GLT1D1: variants seen among roughly 807,000 people sequenced by gnomAD.
The protein encoded by GLT1D1 is glycosyltransferase 1 domain-containing protein 1.
GLT1D1 carries 21 observed loss-of-function variants against 28.7 expected under a neutral mutation model. The observed-to-expected ratio is 0.73, with a 90% CI of 0.52 to 1.05. GLT1D1 has a LOEUF of 1.05. Among genes scored for constraint, GLT1D1 ranks in the 50% least tolerant of loss-of-function variants. The pLI is 0.00. For synonymous variants in GLT1D1, 147 were observed against 124.8 expected (o/e 1.18, Z -1.19); for missense variants, 343 against 330.6 (o/e 1.04, Z -0.29).
chr12:128,858,082 C>G (rs1455527153), intron 1 of GLT1D1, among the ~76,000 whole-genome samples: 3 of 152,156 alleles, frequency 2.0e-5, no homozygotes, highest in Non-Finnish European at 4.4e-5. Context: ...AGAGTTAATA[C>G]ACTTTCAGCG....
intron 4 of GLT1D1, among the ~76,000 whole-genome samples, chr12:128,914,202 T>C (rs1042980127): frequency 6.6e-6 from 1 of 152,130 alleles, no homozygotes; most frequent in Non-Finnish European, 1.5e-5. Flanking sequence ...GAAGAAGTAA[T>C]AGCCAACAGA....
intron 4 of GLT1D1, among the ~76,000 whole-genome samples, chr12:128,922,224 G>T (rs1036165190): frequency 4.0e-5 from 6 of 151,524 alleles, no homozygotes; most frequent in Non-Finnish European, 7.4e-5. Context: ...CTGGGCTAAG[G>T]CTTCCTCCCC....
At chr12:128,944,188 ATTC>A (rs1434089714) in intron 4 of GLT1D1, 2 of 422,930 alleles carry the variant, frequency 4.7e-6, no homozygotes, top group African/African-American at 4.1e-5. Context: ...ACATACTGGA[ATTC>A]TTAGGAAAAG....
intron 4 of GLT1D1, among the ~76,000 whole-genome samples, chr12:128,908,365 C>CTT (rs1871126581): frequency 9.8e-6 from 1 of 101,922 alleles, no homozygotes; most frequent in African/African-American, 3.3e-5. Flanking sequence ...TCTTTCTTTT[C>CTT]TTTCTTTCTT....
At chr12:128,892,057 G>C (rs758723936) in intron 3 of GLT1D1, among the ~76,000 whole-genome samples, 1 of 152,174 alleles carries the variant, frequency 6.6e-6, no homozygotes, top group Non-Finnish European at 1.5e-5. Flanking sequence ...GGTTTTCCAG[G>C]TCACTGGTAG....
At chr12:128,939,694 G>A (rs888602613) in intron 4 of GLT1D1, among the ~76,000 whole-genome samples, 5 of 152,118 alleles carry the variant, frequency 3.3e-5, no homozygotes, top group African/African-American at 9.7e-5. Flanking sequence ...ACAGTGGAAG[G>A]CGAAGGGGAA....
intron 5 of GLT1D1, among the ~76,000 whole-genome samples, chr12:128,946,117 G>A (rs533762186): frequency 1.4e-4 from 22 of 152,264 alleles, no homozygotes; most frequent in Middle Eastern, 3.4e-3. Flanking sequence ...AGGTGCAGAC[G>A]CGTGTGTGCA....
chr12:128,976,655 A>T (rs1565927815), intron 7 of GLT1D1, among the ~76,000 whole-genome samples: 1 of 152,236 alleles, frequency 6.6e-6, no homozygotes, highest in Admixed American at 6.5e-5. Flanking sequence ...TGGAAAAATA[A>T]GTATATATCA....
chr12:128,955,126 G>T (rs1877140243), intron 6 of GLT1D1, among the ~76,000 whole-genome samples: 1 of 152,168 alleles, frequency 6.6e-6, no homozygotes, highest in Non-Finnish European at 1.5e-5. Flanking sequence ...GTGGAACCAG[G>T]ATTCACACCC....
chr12:128,881,666 A>G (rs1002852479), intron 2 of GLT1D1, among the ~76,000 whole-genome samples: 1 of 143,118 alleles, frequency 7.0e-6, no homozygotes, highest in Admixed American at 7.2e-5. Flanking sequence ...TATATAATAT[A>G]TAAAAATATA....
chr12:128,945,113 C>G, intron 4 of GLT1D1: 2 of 716,886 alleles, frequency 2.8e-6, no homozygotes, highest in Non-Finnish European at 5.1e-6. Context: ...TGCTTTAGCT[C>G]GAAGTATTGA....
intron 7 of GLT1D1, among the ~76,000 whole-genome samples, chr12:128,977,125 G>A (rs1337930944): frequency 6.6e-6 from 1 of 152,158 alleles, no homozygotes; most frequent in African/African-American, 2.4e-5. Context: ...CAGCCTGGGC[G>A]ACAGAGAGAG....
At chr12:128,916,482 G>A (rs1290915986) in intron 4 of GLT1D1, among the ~76,000 whole-genome samples, 1 of 152,146 alleles carries the variant, frequency 6.6e-6, no homozygotes, top group Non-Finnish European at 1.5e-5. Context: ...AAGCTGACAA[G>A]AGCTTCAGTT....
At chr12:128,928,997 C>T (rs1243935723) in intron 4 of GLT1D1, among the ~76,000 whole-genome samples, 1 of 152,102 alleles carries the variant, frequency 6.6e-6, no homozygotes, top group African/African-American at 2.4e-5. Context: ...TATGTTGAAA[C>T]CTGTTCCCCA....
intron 4 of GLT1D1, among the ~76,000 whole-genome samples, chr12:128,902,950 A>C (rs1037436425): frequency 4.6e-5 from 7 of 151,240 alleles, no homozygotes; most frequent in Admixed American, 1.3e-4. Context: ...AGGCTGAGGC[A>C]AGAGAATTGC....
intron 7 of GLT1D1, among the ~76,000 whole-genome samples, chr12:128,962,554 AG>A (rs1878070747): frequency 6.6e-6 from 1 of 152,156 alleles, no homozygotes; most frequent in Non-Finnish European, 1.5e-5. Flanking sequence ...CCAGGTATGC[AG>A]GGGGTGAGGT....
chr12:128,859,899 T>C (rs1956313771), intron 1 of GLT1D1, among the ~76,000 whole-genome samples: 1 of 152,166 alleles, frequency 6.6e-6, no homozygotes, highest in South Asian at 2.1e-4. Context: ...TTTTAGAAGA[T>C]GTAGGTGACA....
rs1341047386 is a variant in GLT1D1 at position 128,911,460 on chromosome 12, C to T, written c.375+12173C>T. ...TAAAGACCACACTGTATCCCTACAC[C>T]GAGGAAGGACAGGGGTGTGTCTTCT... On this transcript the variant is annotated intron_variant, in intron 4 of 7. Coordinates refer to ENST00000281703, the MANE Select transcript of GLT1D1 (RefSeq NM_144669.3). 6.6e-5 allele frequency among the ~76,000 whole-genome samples: 10 copies of T among 152,212 alleles called. 1 individual carries two copies. The highest frequency in any genetic ancestry group is 6.2e-4 in the South Asian group (3 of 4,830).
intron 6 of GLT1D1, among the ~76,000 whole-genome samples, chr12:128,951,823 C>T (rs1876719655): frequency 6.6e-6 from 1 of 152,194 alleles, no homozygotes; most frequent in South Asian, 2.1e-4. Context: ...GAGTTGACTT[C>T]GGAACTAGTT....
Sources: gnomAD v4.1 joint callset for allele counts (sites outside exome capture counted in the v4.1 genomes callset) on GRCh38, gnomAD v4.1.1 for gene constraint, MANE v1.5 for transcripts, NCBI Gene and HGNC (gene_info 2026-07-23, HGNC 2026-07-21) for gene names.